Variants in SLC2A1 observed in about 807,000 individuals in gnomAD.
SLC2A1 encodes the protein solute carrier family 2, facilitated glucose transporter member 1.
In SLC2A1, 4 loss-of-function variants were observed where a neutral mutation model predicts 46.6. That is an observed-to-expected ratio of 0.09 (90% CI 0.04 to 0.20). SLC2A1 has a LOEUF of 0.20. Ranked by LOEUF, SLC2A1 falls within the 10% of genes least tolerant of loss-of-function variation. The pLI is 1.00. For missense variants in SLC2A1, 352 were observed against 667.0 expected (o/e 0.53, Z 5.20); for synonymous variants, 253 against 270.0 (o/e 0.94, Z 0.62).
intron 2 of SLC2A1, among the ~76,000 whole-genome samples, chr1:42,934,801 G>A (rs1643525916): frequency 6.6e-6 from 1 of 152,102 alleles, no homozygotes; most frequent in Admixed American, 6.5e-5. Flanking sequence ...AACACTTGAT[G>A]CTGCCACCAC....
At chr1:42,935,020 C>T (rs1031321204) in intron 2 of SLC2A1, among the ~76,000 whole-genome samples, 4 of 152,168 alleles carry the variant, frequency 2.6e-5, no homozygotes, top group Admixed American at 6.5e-5. Context: ...GCCATCCACC[C>T]GCTTCTCTGC....
intron 2 of SLC2A1, among the ~76,000 whole-genome samples, chr1:42,935,011 C>T (rs1223981081): frequency 1.3e-5 from 2 of 152,198 alleles, no homozygotes. Context: ...CCAGGCTCGG[C>T]CATCCACCCG....
At chr1:42,928,833 C>A in intron 8 of SLC2A1, 99 bp downstream of exon 8, 1 of 1,096,258 alleles carries the variant, frequency 9.1e-7, no homozygotes, top group Non-Finnish European at 1.4e-6. Context: ...ATGCAGCCAC[C>A]AAAAGGCCTG....
At chr1:42,956,416 A>G (rs1266805859) in intron 1 of SLC2A1, among the ~76,000 whole-genome samples, 1 of 122,486 alleles carries the variant, frequency 8.2e-6, no homozygotes, top group African/African-American at 3.3e-5. Flanking sequence ...ACAAAAAAAA[A>G]AAAAAAAAAA....
intron 2 of SLC2A1, among the ~76,000 whole-genome samples, chr1:42,933,329 A>G (rs1317157080): frequency 6.6e-6 from 1 of 151,708 alleles, no homozygotes; most frequent in African/African-American, 2.4e-5. Context: ...CCACCCCTCT[A>G]CGCCTTTGAG....
intron 2 of SLC2A1, among the ~76,000 whole-genome samples, chr1:42,932,155 G>A (rs1271986963): frequency 6.6e-6 from 1 of 152,114 alleles, no homozygotes; most frequent in Non-Finnish European, 1.5e-5. Context: ...AGGACCCACG[G>A]CCTCCTCCCC....
chr1:42,927,507 C>T lies in SLC2A1; in HGVS notation c.1278+98G>A, dbSNP rs1643439444. On this transcript the variant is annotated intron_variant, in intron 9 of 9. Transcript: ENST00000426263. The surrounding 1 kb of genome is among the most constrained non-coding windows in gnomAD (Gnocchi z 5.3). Reference sequence around the variant, plus strand: ...CTGGGCTTCCTACCCTCAGTTTCCTCCTCAGCATGATTCCTAATGAGAATG... The same window carrying T: ...CTGGGCTTCCTACCCTCAGTTTCCTTCTCAGCATGATTCCTAATGAGAATG... 3 of 1,241,982 alleles carry T rather than the reference C, an allele frequency of 2.4e-6. No individual in the cohort carries two copies. The highest frequency in any genetic ancestry group is 3.0e-5 in the African/African-American group (2 of 66,596). 76.9% of individuals were successfully genotyped at this position (1,241,982 alleles called of 1,614,324 possible). A position where few individuals can be genotyped will look rare whatever the true frequency, so the allele number is the denominator to read the frequency against.
In SLC2A1 at chr1:42,929,280, G is replaced by A. The variant is rs1425773776; in HGVS notation, c.902C>T (p.Ala301Val). The A allele has an allele frequency of 1.2e-6, 2 of 1,613,494 alleles. No homozygotes were observed. The highest frequency in any genetic ancestry group is 8.5e-7 in the Non-Finnish European group (1 of 1,179,782). ...FYYSTSIFEK[A>V]GVQQPVYATI... is the part of the protein sequence containing the mutation. ...GGCATACACAGGCTGCTGCACCCCC[G>A]CCTTCTCGAAGATGCTCGTGGAGTA... The change falls in exon 7 of 10, where the codon GCG becomes GTG. Residue 301 changes from alanine to valine, a missense_variant. By Grantham distance (64) the Ala-to-Val change is moderately conservative. This residue lies in a region of SLC2A1 where 167 missense variants were observed against 280.8 expected (regional missense o/e 0.59). Coordinates refer to ENST00000426263, the MANE Select transcript of SLC2A1 (RefSeq NM_006516.4). The surrounding 1 kb of genome is among the most constrained non-coding windows in gnomAD (Gnocchi z 6.0).
At position 42,930,470 on chromosome 1, in the gene SLC2A1, G is replaced by C. The variant is rs1228891466; in HGVS notation, c.516+156C>G. 1 of 978,548 alleles carries C rather than the reference G, an allele frequency of 1.0e-6. No homozygotes were observed. Among genetic ancestry groups the C allele is most frequent in the East Asian group, 2.6e-5 (1 of 38,372 alleles). 60.6% of individuals were successfully genotyped at this position (978,548 alleles called of 1,614,324 possible). On this transcript the variant is annotated intron_variant, in intron 4 of 9. Coordinates refer to ENST00000426263, the MANE Select transcript of SLC2A1 (RefSeq NM_006516.4). This position sits in a 1 kb window ranked among gnomAD's most constrained non-coding sequence, Gnocchi z 6.2. ...TCTTGCTGTCAACTGGGAGGCCATGGTGCTGTGTTCTCTGGACCTGTGTAC... is the reference window on the plus strand; with the variant it reads ...TCTTGCTGTCAACTGGGAGGCCATGCTGCTGTGTTCTCTGGACCTGTGTAC...
chr1:42,930,797 C>A lies in SLC2A1; in HGVS notation c.345G>T (p.Leu115=). Reference sequence around the variant, plus strand: ...GGATCAGCATCTCAAAGGACTTGCCCAGTTTCGAGAAGCCCATGAGCACGG... The same window carrying A: ...GGATCAGCATCTCAAAGGACTTGCCAAGTTTCGAGAAGCCCATGAGCACGG... ...VSAVLMGFSK[L]GKSFEMLILG... Residue 115 remains leucine (L), a synonymous_variant, in exon 4 of 10, where the codon CTG becomes CTT. Coordinates refer to ENST00000426263, the MANE Select transcript of SLC2A1 (RefSeq NM_006516.4). The surrounding 1 kb of genome is among the most constrained non-coding windows in gnomAD (Gnocchi z 6.2). 6.2e-7 allele frequency: 1 copy of A among 1,602,112 alleles called. No individual in the cohort carries two copies. Among genetic ancestry groups the A allele is most frequent in the South Asian group, 1.1e-5 (1 of 91,086 alleles).
chr1:42,951,246 G>A (rs1643716988), intron 1 of SLC2A1, among the ~76,000 whole-genome samples: 1 of 152,216 alleles, frequency 6.6e-6, no homozygotes, highest in African/African-American at 2.4e-5. Context: ...CTTAATCATG[G>A]TGGGACATGC....
At chr1:42,928,643 T>C (rs147424724) in intron 8 of SLC2A1, among the ~76,000 whole-genome samples, 57 of 152,202 alleles carry the variant, frequency 3.7e-4, no homozygotes, top group Non-Finnish European at 6.6e-4. Context: ...CAGATGAAGA[T>C]TGGAAAGGGT....
chr1:42,931,416 G>A (rs1435615228), intron 2 of SLC2A1, among the ~76,000 whole-genome samples: 2 of 152,136 alleles, frequency 1.3e-5, no homozygotes, highest in Admixed American at 6.5e-5. Context: ...TGAGAGCCCC[G>A]CCAACTCTCC....
chr1:42,953,517 C>T (rs569507764), intron 1 of SLC2A1, among the ~76,000 whole-genome samples: 274 of 152,338 alleles, frequency 1.8e-3, no homozygotes, highest in Middle Eastern at 3.4e-3. Context: ...ATGGGGACGT[C>T]GGTTACCAGA....
At chr1:42,928,904 C>T (rs1333147052) in intron 8 of SLC2A1, 28 bp downstream of exon 8, 1 of 1,594,312 alleles carries the variant, frequency 6.3e-7, no homozygotes, top group Non-Finnish European at 8.6e-7. Flanking sequence ...CTCCCGCATC[C>T]CTCACTCTCC....
intron 1 of SLC2A1, among the ~76,000 whole-genome samples, chr1:42,945,619 G>A (rs844500): frequency 0.42 from 62,716 of 151,076 alleles, 14,530 homozygotes; most frequent in African/African-American, 0.63. Flanking sequence ...ATGGTGGTGC[G>A]TGCCTGTAGT....
intron 2 of SLC2A1, among the ~76,000 whole-genome samples, chr1:42,938,894 T>G (rs1265662087): frequency 6.6e-6 from 1 of 152,240 alleles, no homozygotes; most frequent in Admixed American, 6.5e-5. Context: ...TCACAGCACC[T>G]TGAAGCCCTC....
At chr1:42,948,641 C>T (rs1254856510) in intron 1 of SLC2A1, among the ~76,000 whole-genome samples, 12 of 152,272 alleles carry the variant, frequency 7.9e-5, no homozygotes, top group African/African-American at 2.9e-4. Context: ...AAAGAAAGAA[C>T]CTCAAGGCTG....
chr1:42,956,076 G>A (rs999714753), intron 1 of SLC2A1, among the ~76,000 whole-genome samples: 5 of 152,110 alleles, frequency 3.3e-5, no homozygotes, highest in East Asian at 1.9e-4. Flanking sequence ...GGCTGTGCTT[G>A]CAGGTCAAAT....
Sources: allele counts gnomAD v4.1 joint callset (sites outside exome capture counted in the v4.1 genomes callset), GRCh38; gene constraint gnomAD v4.1.1; regional missense constraint gnomAD v4.1.1; non-coding constraint Gnocchi (gnomAD v3.1); transcripts MANE v1.5; gene names NCBI Gene and HGNC (gene_info 2026-07-23, HGNC 2026-07-21).